The following GMDS variants were observed in gnomAD, a reference collection of about 807,000 sequenced individuals.
GMDS encodes the protein GDP-mannose 4,6 dehydratase.
In GMDS, 20 loss-of-function variants were observed where a neutral mutation model predicts 49.9. That is an observed-to-expected ratio of 0.40 (90% CI 0.28 to 0.58). GMDS has a LOEUF of 0.58. Ranked by LOEUF, GMDS falls within the 20% of genes least tolerant of loss-of-function variation. GMDS has a pLI of 0.42. For synonymous variants in GMDS, 177 were observed against 178.6 expected, an observed-to-expected ratio of 0.99 and a Z score of 0.07; for missense variants, 362 against 481.4, an observed-to-expected ratio of 0.75 and a Z score of 2.32.
At chr6:2,160,616 G>C (rs957435911) in intron 1 of GMDS, among the ~76,000 whole-genome samples, 1 of 152,148 alleles carries the variant, frequency 6.6e-6, no homozygotes, top group Non-Finnish European at 1.5e-5. Flanking sequence ...ATCATGGCTC[G>C]CTACAGCCTC....
chr6:1,819,112 C>A (rs1770785967), intron 7 of GMDS, among the ~76,000 whole-genome samples: 1 of 151,996 alleles, frequency 6.6e-6, no homozygotes, highest in Non-Finnish European at 1.5e-5. Flanking sequence ...CTAGAACATG[C>A]CTTCCTATTC....
chr6:2,167,493 G>A (rs1044391956), intron 1 of GMDS, among the ~76,000 whole-genome samples: 3 of 152,138 alleles, frequency 2.0e-5, no homozygotes, highest in African/African-American at 7.2e-5. Context: ...AAAGCTAGCA[G>A]AATGATCTTT....
At chr6:2,231,635 C>T (rs914903309) in intron 1 of GMDS, among the ~76,000 whole-genome samples, 19 of 151,904 alleles carry the variant, frequency 1.3e-4, no homozygotes, top group African/African-American at 4.1e-4. Flanking sequence ...AAACAACCAA[C>T]AAACGAATGC....
At chr6:1,980,487 A>G (rs1765162267) in intron 4 of GMDS, among the ~76,000 whole-genome samples, 2 of 152,192 alleles carry the variant, frequency 1.3e-5, no homozygotes, top group Admixed American at 6.5e-5. Context: ...TCAATTCAAC[A>G]AGAAGAGCTA....
chr6:2,244,202 A>G (rs561562080), intron 1 of GMDS, among the ~76,000 whole-genome samples: 3 of 152,150 alleles, frequency 2.0e-5, no homozygotes, highest in Admixed American at 6.5e-5. Flanking sequence ...GAGAACTTTG[A>G]GAGTGGTTTC....
chr6:2,108,316 C>T (rs901513117), intron 4 of GMDS, among the ~76,000 whole-genome samples: 21 of 152,214 alleles, frequency 1.4e-4, no homozygotes, highest in African/African-American at 5.1e-4. Context: ...TATTTGCCTC[C>T]CATAGCTTTT....
rs534793811 is a variant in GMDS, at chr6:1,672,650, C to A, written c.988-48110G>T. Among the ~76,000 whole-genome samples the A allele has an allele frequency of 3.9e-5, 6 of 152,288 alleles. No individual in the cohort carries two copies. In the South Asian group the frequency reaches 1.2e-3, roughly 32 times the overall value. On this transcript the variant is annotated intron_variant, in intron 9 of 10. Coordinates refer to ENST00000380815, the MANE Select transcript of GMDS (RefSeq NM_001500.4). ...ACTGCAGAGGGTTCACCCGGGAGTA[C>A]AGAGAGAAAACCTGTTTCATCACCA...
intron 7 of GMDS, among the ~76,000 whole-genome samples, chr6:1,831,590 C>T (rs1019684332): frequency 1.3e-5 from 2 of 152,162 alleles, no homozygotes. Flanking sequence ...GTCACTCAGG[C>T]GATAGAAGAA....
At chr6:1,737,066 A>C (rs1222773267) in intron 8 of GMDS, among the ~76,000 whole-genome samples, 1 of 152,230 alleles carries the variant, frequency 6.6e-6, no homozygotes, top group Non-Finnish European at 1.5e-5. Flanking sequence ...TGAAGGGAGC[A>C]AGGTGCATGA....
intron 4 of GMDS, among the ~76,000 whole-genome samples, chr6:1,981,684 A>C (rs904682681): frequency 5.9e-5 from 9 of 152,224 alleles, no homozygotes; most frequent in African/African-American, 2.2e-4. Context: ...AACCAGCATC[A>C]TGCTGACACC....
chr6:2,022,988 A>G (rs1299167840), intron 4 of GMDS, among the ~76,000 whole-genome samples: 1 of 152,152 alleles, frequency 6.6e-6, no homozygotes, highest in Non-Finnish European at 1.5e-5. Context: ...TTTCCTCTCT[A>G]ATTTATTTCA....
intron 4 of GMDS, among the ~76,000 whole-genome samples, chr6:2,067,008 T>G (rs1356740979): frequency 2.0e-5 from 3 of 151,596 alleles, no homozygotes; most frequent in Non-Finnish European, 4.4e-5. Flanking sequence ...GACCACATAG[T>G]TGGAAGTAAA....
intron 1 of GMDS, among the ~76,000 whole-genome samples, chr6:2,127,032 C>A (rs1034011033): frequency 2.0e-5 from 3 of 152,074 alleles, no homozygotes; most frequent in Non-Finnish European, 4.4e-5. Context: ...CTTTTTTAAT[C>A]CCATTCTTAC....
At chr6:1,740,035 A>G (rs1767202016) in intron 8 of GMDS, among the ~76,000 whole-genome samples, 2 of 152,236 alleles carry the variant, frequency 1.3e-5, no homozygotes, top group Non-Finnish European at 2.9e-5. Flanking sequence ...ACTCCTAATA[A>G]TAAAATGTCA....
At chr6:1,904,375 G>C (rs148616627) in intron 7 of GMDS, among the ~76,000 whole-genome samples, 365 of 152,234 alleles carry the variant, frequency 2.4e-3, no homozygotes, top group African/African-American at 7.8e-3. Flanking sequence ...CTGTGTGGCC[G>C]TCTGTCCTTC....
chr6:1,674,507 G>A (rs931443027), intron 9 of GMDS, among the ~76,000 whole-genome samples: 4 of 148,212 alleles, frequency 2.7e-5, no homozygotes, highest in African/African-American at 7.4e-5. Flanking sequence ...CTTTCATGGA[G>A]CAGAAGTTTT....
At chr6:2,231,702 A>G (rs1420492835) in intron 1 of GMDS, among the ~76,000 whole-genome samples, 1 of 152,240 alleles carries the variant, frequency 6.6e-6, no homozygotes, top group African/African-American at 2.4e-5. Flanking sequence ...AGAATGAAGT[A>G]TTATAAAGTA....
At chr6:1,637,809 GC>G (rs1763211244) in intron 9 of GMDS, among the ~76,000 whole-genome samples, 2 of 152,174 alleles carry the variant, frequency 1.3e-5, no homozygotes, top group African/African-American at 2.4e-5. Flanking sequence ...GCAGCAACAT[GC>G]CCCCTGTCCT....
Position 2,106,688 on chromosome 6 carries a change from C to A in GMDS, c.345+9083G>T, listed in dbSNP as rs188471531. On this transcript the variant is annotated intron_variant, in intron 4 of 10. Transcript: ENST00000380815. Reference sequence around the variant, plus strand: ...GACCGGCCTGGCCAACATGGTGAAACCCTGTCTCTACTAAAAATACAAAAA... The same window carrying A: ...GACCGGCCTGGCCAACATGGTGAAAACCTGTCTCTACTAAAAATACAAAAA... Among the ~76,000 whole-genome samples, 230 of 152,082 alleles carry A rather than the reference C, an allele frequency of 1.5e-3. 2 individuals are homozygous for A. The highest frequency in any genetic ancestry group is 5.3e-3 in the African/African-American group (219 of 41,474).
Sources: gnomAD v4.1 joint callset for allele counts (sites outside exome capture counted in the v4.1 genomes callset) on GRCh38, gnomAD v4.1.1 for gene constraint, MANE v1.5 for transcripts, NCBI Gene and HGNC (gene_info 2026-07-23, HGNC 2026-07-21) for gene names.